The following ZNF385B variants were observed in gnomAD, a reference collection of about 807,000 sequenced individuals.
The protein encoded by ZNF385B is zinc finger protein 385B, also known as zinc finger protein 533.
Under a neutral mutation model 39.2 loss-of-function variants are expected in ZNF385B, and 23 were observed. That is an observed-to-expected ratio of 0.59 (90% CI 0.42 to 0.83). The LOEUF (loss-of-function observed/expected upper bound fraction) is 0.83, where lower values mean the gene tolerates loss of function less well. Ranked by LOEUF, ZNF385B falls within the 40% of genes least tolerant of loss-of-function variation. The pLI, the probability that ZNF385B is intolerant of heterozygous loss-of-function variation, is 0.00. For missense variants in ZNF385B, 552 were observed against 598.9 expected (o/e 0.92, Z 0.82); for synonymous variants, 205 against 222.6 (o/e 0.92, Z 0.70).
At chr2:179,522,514 G>C (rs979628110) in intron 4 of ZNF385B, among the ~76,000 whole-genome samples, 3 of 90,014 alleles carry the variant, frequency 3.3e-5, no homozygotes, top group Non-Finnish European at 7.3e-5. Context: ...ACTCATTTTA[G>C]TACAGTCAAA....
chr2:179,760,223 C>CGCGTGTGTGTGTGT lies in ZNF385B; in HGVS notation c.298+9279_298+9280insACACACACACACGC, dbSNP rs11282329. 1.6e-3 allele frequency among the ~76,000 whole-genome samples: 230 copies of CGCGTGTGTGTGTGT among 144,548 alleles called. 2 individuals are homozygous for CGCGTGTGTGTGTGT. The highest frequency in any genetic ancestry group is 5.6e-3 in the African/African-American group (220 of 39,206). The allele number at this position is 144,548 out of a possible 152,430, so 94.8% of individuals were successfully genotyped here. The stretch of plus-strand genomic sequence containing the variant: ...CCAGTATTACCTGGATTCCTGTGTG[C>CGCGTGTGTGTGTGT]GTGTGTGTGTGTGTGTGTGTGTGTG... On this transcript the variant is annotated intron_variant, in intron 3 of 9. Transcript: ENST00000410066.
intron 3 of ZNF385B, among the ~76,000 whole-genome samples, chr2:179,672,738 G>C (rs932734402): frequency 6.6e-6 from 1 of 152,148 alleles, no homozygotes; most frequent in Non-Finnish European, 1.5e-5. Context: ...GATGAAGTGG[G>C]TCCTTACCAG....
At chr2:179,575,366 T>C (rs917466007) in intron 3 of ZNF385B, among the ~76,000 whole-genome samples, 1 of 152,196 alleles carries the variant, frequency 6.6e-6, no homozygotes, top group Non-Finnish European at 1.5e-5. Context: ...ATTTCAACTA[T>C]AGTTATAATG....
rs115622723 is a variant in ZNF385B, at chr2:179,498,900, G to A, written c.553-15466C>T. Among the ~76,000 whole-genome samples the A allele has an allele frequency of 5.5e-3, 842 of 151,828 alleles. 10 individuals carry two copies. The highest frequency in any genetic ancestry group is 0.019 in the African/African-American group (795 of 41,504). ...AAACAAAAATTTGACTTTGAAAAAT[G>A]TTACGGAAAATTGGCAAACATTTAG... On this transcript the variant is annotated intron_variant, in intron 5 of 9. Transcript: ENST00000410066.
At chr2:179,739,938 A>G (rs1316684683) in intron 3 of ZNF385B, among the ~76,000 whole-genome samples, 1 of 152,058 alleles carries the variant, frequency 6.6e-6, no homozygotes, top group Non-Finnish European at 1.5e-5. Flanking sequence ...CAAAATCCAA[A>G]AGCTCCTAGA....
chr2:179,809,767 C>CAATG (rs1352936113), intron 1 of ZNF385B, among the ~76,000 whole-genome samples: 4 of 151,988 alleles, frequency 2.6e-5, no homozygotes, highest in Non-Finnish European at 4.4e-5. Flanking sequence ...TGATGATTCA[C>CAATG]AATGAATCAT....
chr2:179,665,686 C>G (rs967183541), intron 3 of ZNF385B, among the ~76,000 whole-genome samples: 1 of 152,152 alleles, frequency 6.6e-6, no homozygotes, highest in African/African-American at 2.4e-5. Flanking sequence ...GTGATGCCAC[C>G]AGACAGAGCA....
At chr2:179,522,089 T>C (rs1411756633) in intron 4 of ZNF385B, among the ~76,000 whole-genome samples, 1 of 152,216 alleles carries the variant, frequency 6.6e-6, no homozygotes, top group Admixed American at 6.5e-5. Context: ...AATGCCCCAC[T>C]TGTCACTTTA....
chr2:179,540,108 A>G (rs975356185), intron 4 of ZNF385B, among the ~76,000 whole-genome samples: 4 of 152,320 alleles, frequency 2.6e-5, no homozygotes, highest in Non-Finnish European at 5.9e-5. Flanking sequence ...GCTGGGCACT[A>G]TAGCTGGAAG....
chr2:179,809,414 T>C (rs146727626), intron 1 of ZNF385B, among the ~76,000 whole-genome samples: 88 of 152,256 alleles, frequency 5.8e-4, no homozygotes, highest in African/African-American at 2.0e-3. Context: ...CGTGCAAACA[T>C]AGTAATGCCC....
intron 3 of ZNF385B, among the ~76,000 whole-genome samples, chr2:179,721,451 G>A (rs1450388820): frequency 6.6e-6 from 1 of 151,936 alleles, no homozygotes; most frequent in African/African-American, 2.4e-5. Flanking sequence ...AATGAAAAAG[G>A]AAGACATATT....
chr2:179,562,594 G>A (rs1684049090), intron 3 of ZNF385B: 2 of 985,260 alleles, frequency 2.0e-6, no homozygotes, highest in Non-Finnish European at 1.2e-6. Flanking sequence ...TTACTATTGA[G>A]GATCGTGTTT....
At position 179,729,384 on chromosome 2, in the gene ZNF385B, T is replaced by C. The variant is rs146697965; in HGVS notation, c.298+40119A>G. Among the ~76,000 whole-genome samples the C allele has an allele frequency of 7.5e-3, 1,138 of 152,202 alleles. 15 individuals carry two copies. Among genetic ancestry groups the C allele is most frequent in the African/African-American group, 0.026 (1,084 of 41,528 alleles). ...TTCCAAGGAAACAGAATCTTATGAG[T>C]GCAAAATGGTGTTAGACAAACAGAA... is the stretch of plus-strand genomic sequence containing the variant. On this transcript the variant is annotated intron_variant, in intron 3 of 9. Transcript: ENST00000410066.
chr2:179,834,674 CA>C (rs1333310085), intron 1 of ZNF385B, among the ~76,000 whole-genome samples: 1 of 152,152 alleles, frequency 6.6e-6, no homozygotes, highest in Admixed American at 6.5e-5. Flanking sequence ...ATGCTAACCT[CA>C]TTAGGTGAAA....
At chr2:179,857,440 G>A (rs1197242835) in intron 1 of ZNF385B, among the ~76,000 whole-genome samples, 1 of 152,214 alleles carries the variant, frequency 6.6e-6, no homozygotes, top group East Asian at 1.9e-4. Flanking sequence ...CTGGAGTGCA[G>A]AGGGAGATCA....
chr2:179,788,810 A>G (rs998052989), intron 1 of ZNF385B, among the ~76,000 whole-genome samples: 1 of 152,120 alleles, frequency 6.6e-6, no homozygotes, highest in Non-Finnish European at 1.5e-5. Flanking sequence ...CAGGCTGCAA[A>G]CAAAAGAGGA....
At chr2:179,661,409 T>A (rs1694456533) in intron 3 of ZNF385B, among the ~76,000 whole-genome samples, 1 of 152,202 alleles carries the variant, frequency 6.6e-6, no homozygotes, top group Non-Finnish European at 1.5e-5. Flanking sequence ...GCATCCTGGG[T>A]CTCCAGCTTG....
intron 1 of ZNF385B, among the ~76,000 whole-genome samples, chr2:179,854,070 G>A (rs748951526): frequency 2.6e-5 from 4 of 152,130 alleles, no homozygotes. Flanking sequence ...TGAAATGGCT[G>A]TATTTATATA....
In ZNF385B at chr2:179,555,320, A is replaced by G. The variant is rs1006084322; in HGVS notation, c.299-10351T>C. Among the ~76,000 whole-genome samples, 10 of 149,470 alleles carry G rather than the reference A, an allele frequency of 6.7e-5. 1 individual carries two copies. The highest frequency in any genetic ancestry group is 2.5e-4 in the African/African-American group (10 of 39,644). On this transcript the variant is annotated intron_variant, in intron 3 of 9. Transcript: ENST00000410066. ...GTTAGGATAGTGGCTTTCCTTATAG[A>G]AAGGATGGGATGAGGTGGAGGGTGA...
Sources: gnomAD v4.1 joint callset for allele counts (sites outside exome capture counted in the v4.1 genomes callset) on GRCh38, gnomAD v4.1.1 for gene constraint, MANE v1.5 for transcripts, NCBI Gene and HGNC (gene_info 2026-07-23, HGNC 2026-07-21) for gene names.